The following SRGAP2 variants were observed in gnomAD, a reference collection of about 807,000 sequenced individuals.
SRGAP2 encodes the protein SLIT-ROBO Rho GTPase-activating protein 2.
A neutral mutation model predicts 57.2 loss-of-function variants in SRGAP2; 15 were observed. That is an observed-to-expected ratio of 0.26 (90% confidence interval 0.18 to 0.40). The LOEUF (loss-of-function observed/expected upper bound fraction) is 0.40. Ranked by LOEUF, SRGAP2 falls within the 10% of genes least tolerant of loss-of-function variation. The pLI is 1.00. For synonymous variants in SRGAP2, 249 were observed against 248.0 expected (o/e 1.00, Z -0.04); for missense variants, 520 against 669.6 (o/e 0.78, Z 2.47).
chr1:206,276,433 A>T (rs1670415757), intron 2 of SRGAP2, among the ~76,000 whole-genome samples: 1 of 143,652 alleles, frequency 7.0e-6, no homozygotes, highest in South Asian at 2.3e-4. Context: ...CCTCCCTTAT[A>T]TAAAACTTGG....
intron 10 of SRGAP2, among the ~76,000 whole-genome samples, chr1:206,412,049 A>G (rs1370642352): frequency 6.6e-6 from 1 of 152,214 alleles, no homozygotes; most frequent in Non-Finnish European, 1.5e-5. Context: ...ACTAAGACTC[A>G]GGGGGTTAAA....
intron 2 of SRGAP2, among the ~76,000 whole-genome samples, chr1:206,267,246 G>T (rs1422230919): frequency 6.6e-6 from 1 of 152,234 alleles, no homozygotes; most frequent in Non-Finnish European, 1.5e-5. Context: ...GGGATTACAG[G>T]CATGAGCCAC....
At chr1:206,419,807 A>ATT (rs11404999) in intron 12 of SRGAP2, among the ~76,000 whole-genome samples, 77 of 143,148 alleles carry the variant, frequency 5.4e-4, no homozygotes, top group African/African-American at 1.9e-3. Flanking sequence ...ATGGCATTTG[A>ATT]TTTTTTTTTT....
chr1:206,333,933 C>T (rs1674577694), intron 3 of SRGAP2, among the ~76,000 whole-genome samples: 2 of 152,140 alleles, frequency 1.3e-5, no homozygotes, highest in South Asian at 4.1e-4. Flanking sequence ...TCTCTTATAC[C>T]ACTCAGCCCT....
chr1:206,460,770 C>T (rs886969217), intron 22 of SRGAP2, among the ~76,000 whole-genome samples: 1 of 151,998 alleles, frequency 6.6e-6, no homozygotes, highest in African/African-American at 2.4e-5. Context: ...ATAAGTATTT[C>T]AATATCTATC....
chr1:206,428,533 A>G (rs1258673711), intron 13 of SRGAP2, among the ~76,000 whole-genome samples: 3 of 152,304 alleles, frequency 2.0e-5, no homozygotes, highest in African/African-American at 7.2e-5. Flanking sequence ...CCTAGGGTGC[A>G]GTATGGGTAG....
intron 17 of SRGAP2, among the ~76,000 whole-genome samples, chr1:206,444,194 A>T (rs1253470368): frequency 1.3e-5 from 2 of 151,944 alleles, no homozygotes; most frequent in African/African-American, 4.8e-5. Flanking sequence ...AAAAAAAAAG[A>T]ACCACTGCTT....
intron 13 of SRGAP2, among the ~76,000 whole-genome samples, chr1:206,426,132 G>A (rs1176000081): frequency 6.6e-6 from 1 of 151,898 alleles, no homozygotes; most frequent in Non-Finnish European, 1.5e-5. Context: ...CTCACTCCCC[G>A]CTACCCTTCC....
At chr1:206,309,748 T>G (rs1672496895) in intron 3 of SRGAP2, among the ~76,000 whole-genome samples, 1 of 151,754 alleles carries the variant, frequency 6.6e-6, no homozygotes, top group Admixed American at 6.6e-5. Context: ...GACGGCATAC[T>G]GCTGAGGTAA....
intron 16 of SRGAP2, among the ~76,000 whole-genome samples, chr1:206,439,283 CT>C (rs1553371096): frequency 6.6e-6 from 1 of 152,128 alleles, no homozygotes; most frequent in Non-Finnish European, 1.5e-5. Flanking sequence ...TATAATTAAC[CT>C]CTCCACAGCA....
chr1:206,450,030 C>T (rs1663128583), intron 18 of SRGAP2, among the ~76,000 whole-genome samples: 1 of 152,204 alleles, frequency 6.6e-6, no homozygotes, highest in Admixed American at 6.5e-5. Flanking sequence ...TGTTTCCCTT[C>T]CACCCTGCTT....
chr1:206,418,312 G>A (rs1354397492), intron 11 of SRGAP2, among the ~76,000 whole-genome samples: 1 of 152,176 alleles, frequency 6.6e-6, no homozygotes, highest in African/African-American at 2.4e-5. Flanking sequence ...CTTTGGTAAC[G>A]AGAGACAGTT....
chr1:206,447,698 A>G (rs1490017990), intron 18 of SRGAP2, among the ~76,000 whole-genome samples: 1 of 152,190 alleles, frequency 6.6e-6, no homozygotes, highest in Non-Finnish European at 1.5e-5. Flanking sequence ...GAAAAGCTGT[A>G]GAATAGCATT....
chr1:206,458,164 TAC>T (rs1233463217), intron 21 of SRGAP2, among the ~76,000 whole-genome samples: 3 of 152,178 alleles, frequency 2.0e-5, no homozygotes, highest in Admixed American at 6.5e-5. Context: ...CCAAAACAGT[TAC>T]AGTCTTTTTG....
intron 18 of SRGAP2, 26 bp downstream of exon 18, chr1:206,446,325 G>C: frequency 1.3e-6 from 1 of 779,746 alleles, no homozygotes; most frequent in Non-Finnish European, 2.4e-6. Flanking sequence ...ACGGGAGGAG[G>C]GGAGGGATTC....
At chr1:206,397,135 C>G (rs1476970905) in intron 7 of SRGAP2, among the ~76,000 whole-genome samples, 1 of 152,056 alleles carries the variant, frequency 6.6e-6, no homozygotes, top group Non-Finnish European at 1.5e-5. Flanking sequence ...GTTATGATTT[C>G]TTTCACCATA....
chr1:206,327,468 A>T (rs1303137814), intron 3 of SRGAP2, among the ~76,000 whole-genome samples: 3 of 143,556 alleles, frequency 2.1e-5, no homozygotes, highest in Non-Finnish European at 4.5e-5. Flanking sequence ...GTGGGTATGA[A>T]TTCATTGTGT....
intron 2 of SRGAP2, among the ~76,000 whole-genome samples, chr1:206,225,813 C>T (rs1191011199): frequency 3.3e-5 from 5 of 151,754 alleles, no homozygotes; most frequent in Admixed American, 2.6e-4. Context: ...AAGAGCACAG[C>T]TAAACAAGGA....
chr1:206,356,861 C>G (rs1676475705), intron 4 of SRGAP2, among the ~76,000 whole-genome samples: 1 of 148,220 alleles, frequency 6.7e-6, no homozygotes, highest in South Asian at 2.1e-4. Flanking sequence ...TGCTTTTAAG[C>G]CCAGCCCTTG....
Sources: allele counts gnomAD v4.1 joint callset (sites outside exome capture counted in the v4.1 genomes callset), GRCh38; gene constraint gnomAD v4.1.1; transcripts MANE v1.5; gene names NCBI Gene and HGNC (gene_info 2026-07-23, HGNC 2026-07-21).